Variants in TAOK1 observed in about 807,000 individuals in gnomAD.
TAOK1 encodes TAO kinase 1.
A neutral mutation model predicts 138.3 loss-of-function variants in TAOK1; 21 were observed. That is an observed-to-expected ratio of 0.15 (90% CI 0.11 to 0.22). The LOEUF (loss-of-function observed/expected upper bound fraction) is 0.22, where lower values mean the gene tolerates loss of function less well. Among genes scored for constraint, TAOK1 ranks in the 10% least tolerant of loss-of-function variants. The pLI is 1.00. For missense variants in TAOK1, 651 were observed against 1,227.7 expected, an observed-to-expected ratio of 0.53 and a Z score of 7.02; for synonymous variants, 361 against 398.4, an observed-to-expected ratio of 0.91 and a Z score of 1.12.
chr17:29,543,630 CG>C lies in TAOK1; in HGVS notation c.*610del, dbSNP rs1212860789. The C allele has an allele frequency of 6.6e-6, 1 of 152,534 alleles. No individual in the cohort carries two copies. The highest frequency in any genetic ancestry group is 1.5e-5 in the Non-Finnish European group (1 of 68,044). The allele number at this position is 152,534 out of a possible 1,614,324, so 9.4% of individuals were successfully genotyped here. On this transcript the variant is annotated 3_prime_UTR_variant, in exon 20 of 20. Coordinates refer to ENST00000261716, the MANE Select transcript of TAOK1 (RefSeq NM_020791.4). ...AGAAATCCATGAACACATTGCTTCTCGGCCTTTTGGCTAAGATCAAGTGTAG... is the reference window on the plus strand; with the variant it reads ...AGAAATCCATGAACACATTGCTTCTCGCCTTTTGGCTAAGATCAAGTGTAG...
At chr17:29,446,343 G>A (rs1294713101) in intron 1 of TAOK1, among the ~76,000 whole-genome samples, 1 of 150,880 alleles carries the variant, frequency 6.6e-6, no homozygotes, top group African/African-American at 2.4e-5. Flanking sequence ...TTTCTTTCAC[G>A]CCATTCTCCT....
intron 1 of TAOK1, among the ~76,000 whole-genome samples, chr17:29,421,140 A>G (rs1905432010): frequency 6.6e-6 from 1 of 151,038 alleles, no homozygotes; most frequent in Admixed American, 6.6e-5. Context: ...ATGTTGGCCC[A>G]GATGGTCTCA....
intron 1 of TAOK1, among the ~76,000 whole-genome samples, chr17:29,424,297 C>T: frequency 6.6e-6 from 1 of 151,502 alleles, no homozygotes; most frequent in South Asian, 2.1e-4. Flanking sequence ...ATTAGCCAGG[C>T]ATGGTGGCGG....
chr17:29,449,443 A>C (rs938083086), intron 1 of TAOK1, among the ~76,000 whole-genome samples: 5 of 152,252 alleles, frequency 3.3e-5, no homozygotes, highest in African/African-American at 1.2e-4. Context: ...TACAAAAGAC[A>C]TATAAATGTA....
chr17:29,530,112 C>T (rs2032078145), intron 17 of TAOK1, among the ~76,000 whole-genome samples: 1 of 152,124 alleles, frequency 6.6e-6, no homozygotes, highest in African/African-American at 2.4e-5. Context: ...AATATCTACT[C>T]AGGTCACTAA....
At chr17:29,531,352 C>T (rs1389889462) in intron 18 of TAOK1, among the ~76,000 whole-genome samples, 2 of 152,040 alleles carry the variant, frequency 1.3e-5, no homozygotes, top group Non-Finnish European at 2.9e-5. Flanking sequence ...GATCTCAACT[C>T]ACTGCAACCT....
At chr17:29,500,269 C>T (rs2031500023) in intron 12 of TAOK1, among the ~76,000 whole-genome samples, 1 of 151,896 alleles carries the variant, frequency 6.6e-6, no homozygotes, top group Non-Finnish European at 1.5e-5. Context: ...GAGCCAAGAT[C>T]GTACCACTGC....
rs397828344 is a variant in TAOK1 at position 29,465,864 on chromosome 17, T to TTC, written c.133-1281_133-1280insTC. 7.1e-4 allele frequency among the ~76,000 whole-genome samples: 94 copies of TTC among 131,894 alleles called. 4 individuals carry two copies. The highest frequency in any genetic ancestry group is 4.9e-3 in the East Asian group (22 of 4,504). 86.5% of individuals were successfully genotyped at this position (131,894 alleles called of 152,430 possible). A position where few individuals can be genotyped will look rare whatever the true frequency, so the allele number is the denominator to read the frequency against. On this transcript the variant is annotated intron_variant, in intron 2 of 19. Coordinates refer to ENST00000261716, the MANE Select transcript of TAOK1 (RefSeq NM_020791.4). ...TTTTTTTTTTTTTTTTTTTTTTTTTTCAGATTTTCCACAACAGTATTAAAT... is the reference window on the plus strand; with the variant it reads ...TTTTTTTTTTTTTTTTTTTTTTTTTTTCCAGATTTTCCACAACAGTATTAAAT...
intron 3 of TAOK1, among the ~76,000 whole-genome samples, chr17:29,469,213 C>T (rs2030754593): frequency 6.7e-6 from 1 of 150,278 alleles, no homozygotes; most frequent in African/African-American, 2.5e-5. Context: ...TGAGATCCCC[C>T]CTCCCCCGCC....
At chr17:29,536,415 C>T (rs146439901) in intron 19 of TAOK1, among the ~76,000 whole-genome samples, 2,389 of 151,948 alleles carry the variant, frequency 0.016, 63 homozygotes, top group African/African-American at 0.054. Context: ...CTGGCTAACA[C>T]GGTGAAACCC....
At chr17:29,484,332 C>T (rs1037938387) in intron 8 of TAOK1, among the ~76,000 whole-genome samples, 1 of 152,220 alleles carries the variant, frequency 6.6e-6, no homozygotes, top group Non-Finnish European at 1.5e-5. Context: ...ATTTTACTTA[C>T]AAATGTTTTG....
chr17:29,529,164 G>A (rs1416619720), intron 17 of TAOK1, among the ~76,000 whole-genome samples: 1 of 151,932 alleles, frequency 6.6e-6, no homozygotes, highest in East Asian at 1.9e-4. Flanking sequence ...TGTAGAAATG[G>A]GGTCTCACTA....
chr17:29,393,080 G>A (rs985955926), intron 1 of TAOK1, among the ~76,000 whole-genome samples: 1 of 151,856 alleles, frequency 6.6e-6, no homozygotes, highest in Non-Finnish European at 1.5e-5. Context: ...ATTCATTTGA[G>A]TATTTATTTC....
At position 29,547,883 on chromosome 17, in the gene TAOK1, C is replaced by T. The variant is rs1177138427; in HGVS notation, c.*4861C>T. 3 of 152,058 alleles carry T rather than the reference C, an allele frequency of 2.0e-5. No individual in the cohort carries two copies. Among genetic ancestry groups the T allele is most frequent in the African/African-American group, 7.2e-5 (3 of 41,410 alleles). The allele number at this position is 152,058 out of a possible 1,614,324, so 9.4% of individuals were successfully genotyped here. ...GTTGGCTGTACACTTAGCGGACTTG[C>T]CTCTTGTATGCAAGGACTACTGATT... On this transcript the variant is annotated 3_prime_UTR_variant, in exon 20 of 20. Transcript: ENST00000261716.
At chr17:29,437,593 G>T (rs540982959) in intron 1 of TAOK1, among the ~76,000 whole-genome samples, 114 of 152,164 alleles carry the variant, frequency 7.5e-4, no homozygotes, top group African/African-American at 2.1e-3. Context: ...ATTAATTTTG[G>T]CATATAATGT....
intron 19 of TAOK1, among the ~76,000 whole-genome samples, chr17:29,534,550 G>A (rs1436001321): frequency 6.6e-6 from 1 of 152,204 alleles, no homozygotes; most frequent in African/African-American, 2.4e-5. Context: ...ATATGGGTGT[G>A]TGAAGACAGT....
Position 29,390,948 on chromosome 17 carries a change from C to T in TAOK1, c.-171C>T, listed in dbSNP as rs1904402876. On this transcript the variant is annotated 5_prime_UTR_variant, in exon 1 of 20. Coordinates refer to ENST00000261716, the MANE Select transcript of TAOK1 (RefSeq NM_020791.4). ...GCCCCCTCCTCCTCCTCACTCCTCA[C>T]CCTCCAGGGTAGCGGCTACCGGAGC... 1 of 152,410 alleles carries T rather than the reference C, an allele frequency of 6.6e-6. No individual in the cohort carries two copies. The highest frequency in any genetic ancestry group is 2.1e-4 in the South Asian group (1 of 4,830). 9.4% of individuals were successfully genotyped at this position (152,410 alleles called of 1,614,324 possible).
rs191144410 is a variant in TAOK1, at chr17:29,509,754, A to C, written c.1576-1110A>C. 5.9e-5 allele frequency among the ~76,000 whole-genome samples: 9 copies of C among 151,868 alleles called. No individual in the cohort carries two copies. The East Asian group carries it at 1.8e-3, about 30-fold the overall frequency. On this transcript the variant is annotated intron_variant, in intron 14 of 19. Coordinates refer to ENST00000261716, the MANE Select transcript of TAOK1 (RefSeq NM_020791.4). ...ACACACAAAAAAAATAAATTAGCTGAGCAGGGTGGCATACGCCTTTAGTTC... is the reference window on the plus strand; with the variant it reads ...ACACACAAAAAAAATAAATTAGCTGCGCAGGGTGGCATACGCCTTTAGTTC...
chr17:29,422,712 G>A (rs1383373476), intron 1 of TAOK1, among the ~76,000 whole-genome samples: 1 of 152,080 alleles, frequency 6.6e-6, no homozygotes, highest in Non-Finnish European at 1.5e-5. Flanking sequence ...TTTGGCATTA[G>A]TTTGTCTACA....
Sources: gnomAD v4.1 joint callset for allele counts (sites outside exome capture counted in the v4.1 genomes callset) on GRCh38, gnomAD v4.1.1 for gene constraint, MANE v1.5 for transcripts, NCBI Gene and HGNC (gene_info 2026-07-23, HGNC 2026-07-21) for gene names.